Variants in MEPE observed in about 807,000 individuals in gnomAD.
MEPE encodes the protein matrix, extracellular phosphoglycoprotein with ASARM motif (bone).
In MEPE, 7 loss-of-function variants were observed where a neutral mutation model predicts 7.3. The observed-to-expected ratio is 0.95, with a 90% CI of 0.54 to 1.79. The LOEUF is 1.79. Among genes scored for constraint, MEPE ranks in the 40% most tolerant of loss-of-function variants. MEPE has a pLI of 0.00. For missense variants in MEPE, 623 were observed against 628.2 expected, an observed-to-expected ratio of 0.99 and a Z score of 0.09; for synonymous variants, 214 against 213.1, an observed-to-expected ratio of 1.00 and a Z score of -0.04.
At chr4:87,838,191 C>T (rs1211947158) in intron 2 of MEPE, among the ~76,000 whole-genome samples, 1 of 152,156 alleles carries the variant, frequency 6.6e-6, no homozygotes, top group Non-Finnish European at 1.5e-5. Context: ...TACAGTTACT[C>T]AACTTATATA....
chr4:87,832,744 A>G (rs981585106), upstream of MEPE, among the ~76,000 whole-genome samples: 1 of 152,190 alleles, frequency 6.6e-6, no homozygotes, highest in African/African-American at 2.4e-5. Context: ...TGACAACATG[A>G]TGTCCAAACT....
intron 2 of MEPE, 47 bp downstream of exon 2, chr4:87,834,815 CTTCAT>C: frequency 2.0e-6 from 3 of 1,512,104 alleles, no homozygotes; most frequent in Non-Finnish European, 2.7e-6. Context: ...CTCTTGCTCT[CTTCAT>C]TTGTTTTTCT....
upstream of MEPE, among the ~76,000 whole-genome samples, chr4:87,829,147 A>T (rs548278338): frequency 6.6e-6 from 1 of 152,242 alleles, no homozygotes; most frequent in East Asian, 1.9e-4. Context: ...TAGGCAAAGG[A>T]TCATTCTCCT....
At chr4:87,839,880 G>A (rs776254551) in intron 3 of MEPE, 61 of 1,542,426 alleles carry the variant, frequency 4.0e-5, no homozygotes, top group Non-Finnish European at 4.9e-5. Context: ...TTGCTCTGGG[G>A]TTTCTGTCTT....
intron 1 of MEPE, among the ~76,000 whole-genome samples, chr4:87,824,585 T>C (rs1043305997): frequency 1.3e-5 from 2 of 152,176 alleles, no homozygotes; most frequent in African/African-American, 4.8e-5. Flanking sequence ...AGGTGATGAG[T>C]CAGATTTGGC....
At chr4:87,838,098 T>C (rs886685490) in intron 2 of MEPE, among the ~76,000 whole-genome samples, 1 of 152,180 alleles carries the variant, frequency 6.6e-6, no homozygotes. Flanking sequence ...TTTTTGTCCT[T>C]AATTGCGATC....
chr4:87,835,982 C>T (rs2109998936), intron 2 of MEPE, among the ~76,000 whole-genome samples: 1 of 151,398 alleles, frequency 6.6e-6, no homozygotes, highest in East Asian at 1.9e-4. Context: ...GCAGACAATG[C>T]CATCTCCATT....
Position 87,844,736 on chromosome 4 carries a change from A to G in MEPE, c.109-241A>G, listed in dbSNP as rs147775673. On this transcript the variant is annotated intron_variant, in intron 3 of 3. Coordinates refer to ENST00000361056, the MANE Select transcript of MEPE (RefSeq NM_020203.6). ...TGAATATGCCGCTTATTCTTAAAAT[A>G]TTCTCACAATTTCCCTTCTGCATAT... Among the ~76,000 whole-genome samples the G allele has an allele frequency of 6.3e-3, 954 of 152,284 alleles. 8 individuals carry two copies. Among genetic ancestry groups the G allele is most frequent in the African/African-American group, 0.021 (893 of 41,556 alleles).
Position 87,840,196 on chromosome 4 carries a change from T to C in MEPE, c.108+1511T>C, listed in dbSNP as rs927903718. On this transcript the variant is annotated intron_variant, in intron 3 of 3. Transcript: ENST00000361056. ...AAGAGGAAAAACCATTTTGGCCTAA[T>C]GAGTGACACATTTTACTGTCTCTTA... The C allele has an allele frequency of 3.5e-6, 3 of 850,616 alleles. No individual in the cohort carries two copies. The South Asian group carries it at 5.5e-5, about 16-fold the overall frequency. The allele number at this position is 850,616 out of a possible 1,614,324, so 52.7% of individuals were successfully genotyped here. A position where few individuals can be genotyped will look rare whatever the true frequency, so the allele number is the denominator to read the frequency against.
chr4:87,831,891 G>C (rs1000381868), upstream of MEPE, among the ~76,000 whole-genome samples: 6 of 151,938 alleles, frequency 3.9e-5, no homozygotes, highest in African/African-American at 1.5e-4. Context: ...TATGGCTGCA[G>C]GCTTATCTGA....
chr4:87,836,923 T>C lies in MEPE; in HGVS notation c.55-1709T>C, dbSNP rs139125384. Among the ~76,000 whole-genome samples, 70 of 152,326 alleles carry C rather than the reference T, an allele frequency of 4.6e-4. 1 individual carries two copies. The highest frequency in any genetic ancestry group is 1.5e-3 in the African/African-American group (61 of 41,582). The stretch of plus-strand genomic sequence containing the variant: ...AGTTTACAAACTATAAAGAGTCCTA[T>C]AAATAGAAGGTGTTATTGATAAACT... On this transcript the variant is annotated intron_variant, in intron 2 of 3. Transcript: ENST00000361056.
At position 87,833,325 on chromosome 4, in the gene MEPE, AATCTG is replaced by A. The variant is rs1246549988; in HGVS notation, c.-13+316_-13+320del. ...TCACTTAACAAACTGCAATCAGGAA[AATCTG>A]ATCTTATTCATACTTTGAAACCTCA... On this transcript the variant is annotated intron_variant, in intron 1 of 3. Transcript: ENST00000361056. Among the ~76,000 whole-genome samples the A allele has an allele frequency of 2.6e-5, 4 of 152,274 alleles. No individual in the cohort carries two copies. In the East Asian group the frequency reaches 7.7e-4, roughly 29 times the overall value.
chr4:87,823,362 G>A (rs1364130414), intron 1 of MEPE, among the ~76,000 whole-genome samples: 1 of 152,146 alleles, frequency 6.6e-6, no homozygotes, highest in Non-Finnish European at 1.5e-5. Flanking sequence ...AATATCCTCT[G>A]CAGCTGGTAG....
intron 2 of MEPE, among the ~76,000 whole-genome samples, chr4:87,836,459 T>C (rs1722796175): frequency 6.6e-6 from 1 of 152,050 alleles, no homozygotes; most frequent in African/African-American, 2.4e-5. Context: ...TGACACCCCA[T>C]ACTATCATTT....
intron 1 of MEPE, among the ~76,000 whole-genome samples, chr4:87,826,959 C>T (rs890790762): frequency 8.5e-5 from 13 of 152,116 alleles, no homozygotes; most frequent in African/African-American, 3.1e-4. Context: ...TGTCTATTCA[C>T]TCGGATGATA....
At chr4:87,832,268 AT>A, upstream of MEPE, among the ~76,000 whole-genome samples, 1 of 152,256 alleles carries the variant, frequency 6.6e-6, no homozygotes, top group Middle Eastern at 3.4e-3. Flanking sequence ...TAACATGGGA[AT>A]TTTGGAGGGA....
At chr4:87,842,200 A>G (rs946953093) in intron 3 of MEPE, among the ~76,000 whole-genome samples, 3 of 152,160 alleles carry the variant, frequency 2.0e-5, no homozygotes, top group Admixed American at 6.6e-5. Flanking sequence ...AAGAAAAACT[A>G]TTTGGCAATT....
At chr4:87,835,613 T>C (rs1436910602) in intron 2 of MEPE, among the ~76,000 whole-genome samples, 1 of 152,126 alleles carries the variant, frequency 6.6e-6, no homozygotes, top group Admixed American at 6.5e-5. Context: ...GAGGGCCTCA[T>C]GGAGGGCAGT....
At chr4:87,834,335 C>T (rs186075870) in intron 1 of MEPE, among the ~76,000 whole-genome samples, 6 of 152,278 alleles carry the variant, frequency 3.9e-5, no homozygotes, top group African/African-American at 1.4e-4. Flanking sequence ...GCTGCTACAT[C>T]AACTTAATGT....
Sources: gnomAD v4.1 joint callset for allele counts (sites outside exome capture counted in the v4.1 genomes callset) on GRCh38, gnomAD v4.1.1 for gene constraint, MANE v1.5 for transcripts, NCBI Gene and HGNC (gene_info 2026-07-23, HGNC 2026-07-21) for gene names.